Variants in MINDY2 observed in about 807,000 individuals in gnomAD.
MINDY2 encodes MINDY lysine 48 deubiquitinase 2, also known as ubiquitin carboxyl-terminal hydrolase MINDY-2.
A neutral mutation model predicts 68.2 loss-of-function variants in MINDY2; 52 were observed. That is an observed-to-expected ratio of 0.76 (90% CI 0.61 to 0.96). The LOEUF (loss-of-function observed/expected upper bound fraction) is 0.96. Among genes scored for constraint, MINDY2 ranks in the 40% least tolerant of loss-of-function variants. MINDY2 has a pLI of 0.00. For synonymous variants in MINDY2, 372 were observed against 303.0 expected (o/e 1.23, Z -2.36); for missense variants, 881 against 773.4 (o/e 1.14, Z -1.65).
At chr15:58,820,076 G>A (rs891887156) in intron 4 of MINDY2, among the ~76,000 whole-genome samples, 6 of 152,046 alleles carry the variant, frequency 3.9e-5, no homozygotes, top group African/African-American at 1.2e-4. Flanking sequence ...GACCATCCTG[G>A]CCAACATAGT....
intron 7 of MINDY2, among the ~76,000 whole-genome samples, chr15:58,850,142 G>T (rs368658001): frequency 3.9e-5 from 6 of 152,118 alleles, no homozygotes; most frequent in African/African-American, 1.4e-4. Context: ...AGTCAACACC[G>T]ACTCTTAATA....
chr15:58,800,089 A>G (rs1239954127), intron 2 of MINDY2, among the ~76,000 whole-genome samples: 1 of 152,210 alleles, frequency 6.6e-6, no homozygotes, highest in East Asian at 1.9e-4. Flanking sequence ...TTTCGCCCAG[A>G]GTTGCCTGTA....
In MINDY2 at chr15:58,852,065, T is replaced by TTGAGCC. The variant is rs564646994; in HGVS notation, c.1737+102_1737+103insAGCCTG. On this transcript the variant is annotated intron_variant, in intron 8 of 8. Coordinates refer to ENST00000559228, the MANE Select transcript of MINDY2 (RefSeq NM_001040450.3). Reference sequence around the variant, plus strand: ...CCTTTGGGAGGCTGAGGCAGGCAGATTGCTTGAGCCCAGGAGTTCGAGACC... The same window carrying TTGAGCC: ...CCTTTGGGAGGCTGAGGCAGGCAGATTGAGCCTGCTTGAGCCCAGGAGTTCGAGACC... 318 of 892,536 alleles carry TTGAGCC rather than the reference T, an allele frequency of 3.6e-4. 2 individuals carry two copies. The East Asian group carries it at 7.8e-3, about 22-fold the overall frequency. 55.3% of individuals were successfully genotyped at this position (892,536 alleles called of 1,614,324 possible). A position where few individuals can be genotyped will look rare whatever the true frequency, so the allele number is the denominator to read the frequency against.
At chr15:58,847,760 T>G (rs1218011488) in intron 7 of MINDY2, among the ~76,000 whole-genome samples, 4 of 152,250 alleles carry the variant, frequency 2.6e-5, no homozygotes, top group Admixed American at 2.6e-4. Context: ...GATGGGATCT[T>G]CTTTACCTTT....
At chr15:58,837,950 CAGAG>C (rs2032078999) in intron 6 of MINDY2, among the ~76,000 whole-genome samples, 1 of 109,298 alleles carries the variant, frequency 9.1e-6, no homozygotes, top group African/African-American at 3.7e-5. Context: ...ACCTGGATGA[CAGAG>C]TAAGACCTTC....
chr15:58,785,530 CTG>C (rs1738767980), intron 1 of MINDY2, among the ~76,000 whole-genome samples: 1 of 150,680 alleles, frequency 6.6e-6, no homozygotes, highest in African/African-American at 2.4e-5. Context: ...ATGAGAGGGA[CTG>C]TGTTCCAAAA....
intron 1 of MINDY2, among the ~76,000 whole-genome samples, chr15:58,784,478 C>T (rs980456878): frequency 7.9e-5 from 12 of 152,008 alleles, no homozygotes; most frequent in African/African-American, 1.4e-4. Flanking sequence ...TCAAATTTTA[C>T]GGAGAATATT....
Position 58,854,790 on chromosome 15 carries a change from C to CT in MINDY2, c.*183dup, listed in dbSNP as rs2033004639. The CT allele has an allele frequency of 4.0e-6, 2 of 500,674 alleles. No individual in the cohort carries two copies. The highest frequency in any genetic ancestry group is 7.5e-5 in the East Asian group (2 of 26,664). The allele number at this position is 500,674 out of a possible 1,614,324, so 31.0% of individuals were successfully genotyped here. ...ACTTTTTCAAGTCACACAATACACT[C>CT]TTTATGAGCTGGAGTTTCATGTTAC... On this transcript the variant is annotated 3_prime_UTR_variant, in exon 9 of 9. Transcript: ENST00000559228.
chr15:58,788,957 A>G (rs1474919107), intron 2 of MINDY2, among the ~76,000 whole-genome samples: 1 of 152,186 alleles, frequency 6.6e-6, no homozygotes, highest in African/African-American at 2.4e-5. Context: ...GGTTACAGTG[A>G]GCCAAGATCA....
chr15:58,854,693 C>A lies in MINDY2; in HGVS notation c.*83C>A. 1.4e-6 allele frequency: 2 copies of A among 1,439,028 alleles called. No homozygotes were observed. Among genetic ancestry groups the A allele is most frequent in the Non-Finnish European group, 1.8e-6 (2 of 1,082,106 alleles). The allele number at this position is 1,439,028 out of a possible 1,614,324, so 89.1% of individuals were successfully genotyped here. ...GAAAGGAAGAAAAACCGATCAATAC[C>A]GTCTGTGCCTGATTTCCTAATGGAT... On this transcript the variant is annotated 3_prime_UTR_variant, in exon 9 of 9. Transcript: ENST00000559228.
At chr15:58,815,433 C>T (rs1364617764) in intron 4 of MINDY2, 1 of 152,188 alleles carries the variant, frequency 6.6e-6, no homozygotes. Context: ...TCACTGCAGC[C>T]TCGACCTCCT....
At chr15:58,844,752 A>G (rs1170445406) in intron 6 of MINDY2, among the ~76,000 whole-genome samples, 2 of 151,152 alleles carry the variant, frequency 1.3e-5, no homozygotes, top group Non-Finnish European at 2.9e-5. Flanking sequence ...CTCCATCTCT[A>G]CTAAAAATAC....
chr15:58,831,041 G>GTGTGTATA (rs565786025), intron 5 of MINDY2, among the ~76,000 whole-genome samples: 3,187 of 124,830 alleles, frequency 0.026, 199 homozygotes, highest in African/African-American at 0.1. Flanking sequence ...GTGTGTGTGT[G>GTGTGTATA]TATATATATA....
At chr15:58,821,547 A>G (rs1199668214) in intron 4 of MINDY2, among the ~76,000 whole-genome samples, 170 bp from the exon 5 acceptor site, 1 of 152,140 alleles carries the variant, frequency 6.6e-6, no homozygotes, top group Non-Finnish European at 1.5e-5. Context: ...CTGAGCTGTA[A>G]ACAAACTTGG....
chr15:58,813,676 G>A (rs978953306), intron 4 of MINDY2, among the ~76,000 whole-genome samples: 8 of 151,490 alleles, frequency 5.3e-5, no homozygotes, highest in Non-Finnish European at 7.4e-5. Context: ...GGGCTCAAGT[G>A]ATCCTCTTGC....
chr15:58,781,845 T>C (rs940783962), intron 1 of MINDY2, among the ~76,000 whole-genome samples: 1 of 151,734 alleles, frequency 6.6e-6, no homozygotes, highest in Admixed American at 6.6e-5. Flanking sequence ...GAGTTTGCAG[T>C]GAGCCAAGAT....
intron 1 of MINDY2, among the ~76,000 whole-genome samples, chr15:58,776,049 A>T (rs1453678205): frequency 2.0e-5 from 3 of 152,040 alleles, no homozygotes; most frequent in Non-Finnish European, 4.4e-5. Flanking sequence ...TAGTACAGAC[A>T]GGGTTTCACC....
At chr15:58,824,671 C>CT (rs559754099) in intron 5 of MINDY2, among the ~76,000 whole-genome samples, 2,351 of 135,128 alleles carry the variant, frequency 0.017, 42 homozygotes, top group Middle Eastern at 0.045. Context: ...ATCATATTAT[C>CT]TTTTTTTTTT....
intron 3 of MINDY2, among the ~76,000 whole-genome samples, 183 bp from the exon 4 acceptor site, chr15:58,810,047 T>C (rs2140973475): frequency 2.0e-5 from 3 of 152,334 alleles, no homozygotes; most frequent in Middle Eastern, 3.4e-3. Context: ...TTTTATTCAT[T>C]GTTGTATCTT....
Sources: allele counts gnomAD v4.1 joint callset (sites outside exome capture counted in the v4.1 genomes callset), GRCh38; gene constraint gnomAD v4.1.1; transcripts MANE v1.5; gene names NCBI Gene and HGNC (gene_info 2026-07-23, HGNC 2026-07-21).